PTPRO: variants seen among roughly 807,000 people sequenced by gnomAD.
PTPRO encodes the protein receptor-type tyrosine-protein phosphatase O.
Under a neutral mutation model 145.2 loss-of-function variants are expected in PTPRO, and 62 were observed. The ratio of observed to expected loss-of-function variants is 0.43; its 90% CI spans 0.35 to 0.53. The LOEUF (loss-of-function observed/expected upper bound fraction) is 0.53. PTPRO is among the 20% of genes least tolerant of loss of function. PTPRO has a pLI of 0.01. For synonymous variants in PTPRO, 565 were observed against 514.7 expected (o/e 1.10, Z -1.32); for missense variants, 1,345 against 1,482.7 (o/e 0.91, Z 1.53).
At chr12:15,463,705 G>C (rs1296374840) in intron 1 of PTPRO, among the ~76,000 whole-genome samples, 1 of 152,034 alleles carries the variant, frequency 6.6e-6, no homozygotes, top group African/African-American at 2.4e-5. Context: ...CTCTCCATCT[G>C]ATTCCTCCTT....
intron 12 of PTPRO, among the ~76,000 whole-genome samples, chr12:15,527,339 G>A (rs1216633481): frequency 6.6e-6 from 1 of 152,226 alleles, no homozygotes; most frequent in Non-Finnish European, 1.5e-5. Context: ...AAAAAGTGAG[G>A]TTGAGGTAGT....
At chr12:15,571,957 T>G (rs1944061688) in intron 19 of PTPRO, among the ~76,000 whole-genome samples, 1 of 152,222 alleles carries the variant, frequency 6.6e-6, no homozygotes. Context: ...AATGTTCAAT[T>G]TATAATATGC....
chr12:15,406,334 C>T (rs1939647031), intron 1 of PTPRO, among the ~76,000 whole-genome samples: 1 of 152,038 alleles, frequency 6.6e-6, no homozygotes, highest in Admixed American at 6.6e-5. Context: ...TCTGTAAGCC[C>T]AGAAAAGATA....
At chr12:15,510,991 A>G (rs978892232) in intron 7 of PTPRO, among the ~76,000 whole-genome samples, 1 of 114,682 alleles carries the variant, frequency 8.7e-6, no homozygotes, top group Non-Finnish European at 1.7e-5. Context: ...ACATAGTGAA[A>G]CTCTGTCTCC....
At chr12:15,500,650 G>A (rs997338701) in intron 4 of PTPRO, among the ~76,000 whole-genome samples, 1 of 152,150 alleles carries the variant, frequency 6.6e-6, no homozygotes, top group African/African-American at 2.4e-5. Flanking sequence ...GGCCTAGCAC[G>A]GTGGCTCATG....
intron 16 of PTPRO, 93 bp from the exon 17 acceptor site, chr12:15,560,100 C>T (rs1272257997): frequency 2.3e-6 from 2 of 878,832 alleles, no homozygotes; most frequent in Non-Finnish European, 3.9e-6. Context: ...TAATTAATCC[C>T]AATAGGTAAT....
chr12:15,491,324 A>C (rs922793652), intron 2 of PTPRO, among the ~76,000 whole-genome samples: 14 of 152,252 alleles, frequency 9.2e-5, no homozygotes, highest in African/African-American at 3.1e-4. Flanking sequence ...CCAGCTAAAC[A>C]GAGCAATCTC....
chr12:15,370,606 T>A (rs1471271966), intron 1 of PTPRO, among the ~76,000 whole-genome samples: 1 of 152,180 alleles, frequency 6.6e-6, no homozygotes, highest in Non-Finnish European at 1.5e-5. Context: ...AATATATGTA[T>A]GAGAGGTGTC....
intron 1 of PTPRO, among the ~76,000 whole-genome samples, chr12:15,393,018 T>G (rs1406015702): frequency 6.6e-6 from 1 of 152,166 alleles, no homozygotes; most frequent in Non-Finnish European, 1.5e-5. Context: ...TGTTGTTTAT[T>G]TCTAATTGTC....
intron 1 of PTPRO, among the ~76,000 whole-genome samples, chr12:15,395,306 A>C (rs886841797): frequency 1.3e-5 from 2 of 152,116 alleles, no homozygotes; most frequent in African/African-American, 4.8e-5. Context: ...GGCCCTTGGA[A>C]AGAGGAAGGG....
At chr12:15,568,026 A>C (rs1943946157) in intron 18 of PTPRO, among the ~76,000 whole-genome samples, 1 of 152,232 alleles carries the variant, frequency 6.6e-6, no homozygotes, top group Non-Finnish European at 1.5e-5. Flanking sequence ...GGAAGATATA[A>C]CGCCCTCTAA....
At chr12:15,504,190 A>T in intron 6 of PTPRO, 121 bp downstream of exon 6, 7 of 1,109,676 alleles carry the variant, frequency 6.3e-6, no homozygotes, top group Non-Finnish European at 9.2e-6. Flanking sequence ...AGTCTTCAAG[A>T]TCAGGAGAGG....
intron 1 of PTPRO, among the ~76,000 whole-genome samples, chr12:15,338,272 G>C (rs1866836395): frequency 6.6e-6 from 1 of 152,134 alleles, no homozygotes; most frequent in Non-Finnish European, 1.5e-5. Context: ...TTCAAAGCTT[G>C]CTTTGTTTTG....
chr12:15,412,349 T>C (rs1185099919), intron 1 of PTPRO, among the ~76,000 whole-genome samples: 2 of 152,250 alleles, frequency 1.3e-5, no homozygotes, highest in Admixed American at 6.5e-5. Flanking sequence ...AACAGTTATA[T>C]GTCTGGCCCT....
chr12:15,503,792 G>A (rs993423998), intron 5 of PTPRO, 116 bp from the exon 6 acceptor site: 5 of 753,656 alleles, frequency 6.6e-6, no homozygotes, highest in Admixed American at 5.5e-5. Context: ...AATTGAACTT[G>A]ACAAAAGGAG....
At chr12:15,481,823 C>G (rs1054138430) in intron 1 of PTPRO, among the ~76,000 whole-genome samples, 1 of 151,998 alleles carries the variant, frequency 6.6e-6, no homozygotes, top group African/African-American at 2.4e-5. Context: ...TCTATAAAAC[C>G]TCTTGGAGAG....
chr12:15,442,215 T>C (rs1940787556), intron 1 of PTPRO, among the ~76,000 whole-genome samples: 1 of 152,116 alleles, frequency 6.6e-6, no homozygotes, highest in Non-Finnish European at 1.5e-5. Flanking sequence ...TCAATAAATG[T>C]GACTCACCAC....
At chr12:15,560,349 A>G (rs1943742210) in intron 17 of PTPRO, 73 bp downstream of exon 17, 1 of 1,199,796 alleles carries the variant, frequency 8.3e-7, no homozygotes. Flanking sequence ...CAAAAAGGAA[A>G]GTTTCTTTTT....
intron 2 of PTPRO, among the ~76,000 whole-genome samples, chr12:15,490,246 C>G (rs960411877): frequency 2.6e-5 from 4 of 152,154 alleles, no homozygotes; most frequent in African/African-American, 4.8e-5. Context: ...CAGATGATTA[C>G]TTTCTCTAAA....
Sources: allele counts gnomAD v4.1 joint callset (sites outside exome capture counted in the v4.1 genomes callset), GRCh38; gene constraint gnomAD v4.1.1; transcripts MANE v1.5; gene names NCBI Gene and HGNC (gene_info 2026-07-23, HGNC 2026-07-21).